Variants in RHBDF2 observed in about 807,000 individuals in gnomAD.
RHBDF2 encodes the protein inactive rhomboid protein 2.
A neutral mutation model predicts 95.2 loss-of-function variants in RHBDF2; 38 were observed. The ratio of observed to expected loss-of-function variants is 0.40; its 90% CI spans 0.31 to 0.52. The LOEUF (loss-of-function observed/expected upper bound fraction) is 0.52. RHBDF2 is among the 20% of genes least tolerant of loss of function. The pLI is 0.56. For missense variants in RHBDF2, 863 were observed against 1,137.7 expected (o/e 0.76, Z 3.47); for synonymous variants, 442 against 462.0 (o/e 0.96, Z 0.55).
intron 1 of RHBDF2, among the ~76,000 whole-genome samples, chr17:76,492,847 G>C (rs1018533824): frequency 1.3e-5 from 2 of 152,196 alleles, no homozygotes; most frequent in African/African-American, 2.4e-5. Flanking sequence ...GCCAGAAATG[G>C]GGACACAGGG....
At chr17:76,478,757 G>C in intron 6 of RHBDF2, 49 bp downstream of exon 6, 1 of 1,512,674 alleles carries the variant, frequency 6.6e-7, no homozygotes, top group Non-Finnish European at 9.0e-7. Flanking sequence ...GAGGGGCAAG[G>C]AAGGGAGGCC....
chr17:76,488,928 A>C (rs2074221491), intron 1 of RHBDF2, among the ~76,000 whole-genome samples: 2 of 152,042 alleles, frequency 1.3e-5, no homozygotes, highest in Non-Finnish European at 2.9e-5. Flanking sequence ...AGCCCAGATG[A>C]CAGTGTGAGA....
chr17:76,493,533 G>A (rs1038566359), intron 1 of RHBDF2, among the ~76,000 whole-genome samples: 5 of 152,164 alleles, frequency 3.3e-5, no homozygotes, highest in African/African-American at 7.2e-5. Context: ...AGAGTCATGA[G>A]AGGCAAAACA....
chr17:76,491,758 G>A (rs1164410457), intron 1 of RHBDF2, among the ~76,000 whole-genome samples: 2 of 152,210 alleles, frequency 1.3e-5, no homozygotes, highest in East Asian at 1.9e-4. Context: ...GGGGTGCAAA[G>A]GCCCAGCCCC....
At chr17:76,477,845 C>A in intron 6 of RHBDF2, 60 bp from the exon 7 acceptor site, 8 of 1,585,730 alleles carry the variant, frequency 5.0e-6, no homozygotes, top group Non-Finnish European at 4.3e-6. Context: ...GGCCCCCAGC[C>A]CCAACACCGA....
At chr17:76,489,088 T>C (rs956411917) in intron 1 of RHBDF2, among the ~76,000 whole-genome samples, 19 of 152,004 alleles carry the variant, frequency 1.2e-4, no homozygotes, top group African/African-American at 4.1e-4. Flanking sequence ...ATCGCGCCAC[T>C]GCACTCCAGC....
intron 15 of RHBDF2, 89 bp downstream of exon 15, chr17:76,473,559 G>T: frequency 8.7e-7 from 1 of 1,154,302 alleles, no homozygotes; most frequent in Non-Finnish European, 1.3e-6. Flanking sequence ...GCGGCTGTGG[G>T]TGGTGACGGT....
intron 10 of RHBDF2, 66 bp downstream of exon 10, chr17:76,474,964 T>C: frequency 6.9e-7 from 1 of 1,456,280 alleles, no homozygotes; most frequent in Non-Finnish European, 9.4e-7. Flanking sequence ...AGGGATTAGG[T>C]ACCCACGACA....
chr17:76,492,130 CAA>C (rs531528683), intron 1 of RHBDF2, among the ~76,000 whole-genome samples: 1 of 152,312 alleles, frequency 6.6e-6, no homozygotes, highest in African/African-American at 2.4e-5. Flanking sequence ...TGGGAGATGC[CAA>C]AGAGACCTGG....
chr17:76,482,467 T>C (rs1174458325), intron 2 of RHBDF2, among the ~76,000 whole-genome samples: 1 of 152,002 alleles, frequency 6.6e-6, no homozygotes, highest in East Asian at 1.9e-4. Context: ...CCAGCCCCAG[T>C]TCATTTTTCA....
At chr17:76,477,587 T>A (rs2073814696) in intron 7 of RHBDF2, 70 bp downstream of exon 7, 1 of 1,536,916 alleles carries the variant, frequency 6.5e-7, no homozygotes. Flanking sequence ...ATATGATCAA[T>A]GCCAAGGTCA....
intron 1 of RHBDF2, among the ~76,000 whole-genome samples, chr17:76,499,508 A>T (rs1160643146): frequency 6.6e-6 from 1 of 152,060 alleles, no homozygotes; most frequent in Non-Finnish European, 1.5e-5. Flanking sequence ...CTCAGCTAAC[A>T]CCATGGGCAG....
At chr17:76,498,846 TTGTG>T (rs1255798042) in intron 1 of RHBDF2, among the ~76,000 whole-genome samples, 2 of 96,270 alleles carry the variant, frequency 2.1e-5, no homozygotes, top group Admixed American at 1.1e-4. Flanking sequence ...GTCTGTGTGT[TTGTG>T]TGTGTCTCTG....
intron 1 of RHBDF2, among the ~76,000 whole-genome samples, chr17:76,494,128 G>A (rs1315025878): frequency 6.6e-6 from 1 of 152,188 alleles, no homozygotes; most frequent in Non-Finnish European, 1.5e-5. Flanking sequence ...GTGTTGCGGG[G>A]GGCTGGGGGG....
At chr17:76,491,487 G>A (rs1244604559) in intron 1 of RHBDF2, among the ~76,000 whole-genome samples, 6 of 152,172 alleles carry the variant, frequency 3.9e-5, no homozygotes, top group Admixed American at 1.3e-4. Context: ...GACAGGGCCA[G>A]GGCGGGTGGG....
chr17:76,493,812 A>G (rs1234892537), intron 1 of RHBDF2, among the ~76,000 whole-genome samples: 1 of 152,198 alleles, frequency 6.6e-6, no homozygotes, highest in Non-Finnish European at 1.5e-5. Flanking sequence ...GTGGGTTCAC[A>G]CAGCTCCCCA....
intron 2 of RHBDF2, among the ~76,000 whole-genome samples, chr17:76,485,100 C>T (rs2074084534): frequency 6.6e-6 from 1 of 151,662 alleles, no homozygotes; most frequent in Non-Finnish European, 1.5e-5. Flanking sequence ...GGTGAAACCC[C>T]ATCTCTACTA....
chr17:76,486,077 TACACACACACAC>T lies in RHBDF2; in HGVS notation c.-22+1623_-22+1634del, dbSNP rs57942849. On this transcript the variant is annotated intron_variant, in intron 2 of 18. Transcript: ENST00000675367. Reference sequence around the variant, plus strand: ...AATTCTGTGAATATGTATATATATGTACACACACACACACACACACACACACACACACACACA... The same window carrying T: ...AATTCTGTGAATATGTATATATATGTACACACACACACACACACACACACA... Among the ~76,000 whole-genome samples the T allele has an allele frequency of 7.9e-3, 1,140 of 144,876 alleles. 10 individuals are homozygous for T. The highest frequency in any genetic ancestry group is 0.027 in the African/African-American group (1,046 of 38,712).
At chr17:76,484,643 C>A (rs1179291599) in intron 2 of RHBDF2, among the ~76,000 whole-genome samples, 2 of 152,068 alleles carry the variant, frequency 1.3e-5, no homozygotes, top group Non-Finnish European at 2.9e-5. Flanking sequence ...TAGATCACAC[C>A]TGTTGCTTCC....
Sources: gnomAD v4.1 joint callset for allele counts (sites outside exome capture counted in the v4.1 genomes callset) on GRCh38, gnomAD v4.1.1 for gene constraint, MANE v1.5 for transcripts, NCBI Gene and HGNC (gene_info 2026-07-23, HGNC 2026-07-21) for gene names.